The following LYRM4 variants were observed in gnomAD, a reference collection of about 807,000 sequenced individuals.
LYRM4 encodes LYR motif containing 4.
Under a neutral mutation model 11.7 loss-of-function variants are expected in LYRM4, and 9 were observed. The observed-to-expected ratio is 0.77, with a 90% CI of 0.46 to 1.34. LYRM4 has a LOEUF of 1.34. LYRM4 is among the 40% of genes most tolerant of loss of function. LYRM4 has a pLI of 0.00. For missense variants in LYRM4, 133 were observed against 112.5 expected, an observed-to-expected ratio of 1.18 and a Z score of -0.82; for synonymous variants, 42 against 40.4, an observed-to-expected ratio of 1.04 and a Z score of -0.15.
the LYRM4 span, among the ~76,000 whole-genome samples, chr6:5,036,724 T>C: frequency 2.7e-4 from 41 of 152,352 alleles, no homozygotes; most frequent in Non-Finnish European, 4.9e-4. Flanking sequence ...ATTTCTCTCC[T>C]GAGATAAAGG....
the LYRM4 span, among the ~76,000 whole-genome samples, chr6:5,076,766 AC>A: frequency 6.6e-6 from 1 of 152,182 alleles, no homozygotes; most frequent in Non-Finnish European, 1.5e-5. Context: ...GTAGCAGCCC[AC>A]CCCATCAAGG....
In LYRM4 at chr6:5,186,526, C is replaced by T. The variant is rs568280723; in HGVS notation, c.207+30092G>A. 38 of 952,672 alleles carry T rather than the reference C, an allele frequency of 4.0e-5. No homozygotes were observed. In the South Asian group the frequency reaches 1.7e-3, roughly 42 times the overall value. The allele number at this position is 952,672 out of a possible 1,614,324, so 59.0% of individuals were successfully genotyped here. ...AGAAGGTTAAACTGAACTCCCATCT[C>T]CTTTCTTATACCAAAATAAATTCAA... On this transcript the variant is annotated intron_variant, in intron 2 of 2. Coordinates refer to ENST00000330636, the MANE Select transcript of LYRM4 (RefSeq NM_020408.6).
the LYRM4 span, chr6:5,065,847 G>C: frequency 3.4e-6 from 1 of 292,190 alleles, no homozygotes; most frequent in East Asian, 1.1e-4. Flanking sequence ...ACAATCTTTG[G>C]AACACTATAG....
In LYRM4 at chr6:5,121,422, C is replaced by T. The variant is rs527253224; in HGVS notation, c.208-11931G>A. Among the ~76,000 whole-genome samples the T allele has an allele frequency of 6.8e-4, 104 of 152,236 alleles. No homozygotes were observed. In the South Asian group the frequency reaches 7.3e-3, roughly 11 times the overall value. On this transcript the variant is annotated intron_variant, in intron 2 of 2. Transcript: ENST00000330636. ...GGGAAGACAGTTATAAAACAGGAGA[C>T]GGCTACCTCCCCGACCCCTGATGGT...
chr6:5,214,998 G>A (rs1346540001), intron 2 of LYRM4, among the ~76,000 whole-genome samples: 1 of 152,122 alleles, frequency 6.6e-6, no homozygotes, highest in African/African-American at 2.4e-5. Context: ...TCTGTCCTGG[G>A]AGGGGAACTC....
At chr6:5,228,796 C>A (rs1220901688) in intron 1 of LYRM4, among the ~76,000 whole-genome samples, 1 of 150,812 alleles carries the variant, frequency 6.6e-6, no homozygotes, top group African/African-American at 2.4e-5. Flanking sequence ...GTCAGGAGAT[C>A]GAGACCATCC....
At chr6:5,062,832 A>G in the LYRM4 span, among the ~76,000 whole-genome samples, 1 of 152,214 alleles carries the variant, frequency 6.6e-6, no homozygotes, top group Non-Finnish European at 1.5e-5. Context: ...TGCACACTTT[A>G]GAATCTGTGA....
rs550529850 is a variant in LYRM4, at chr6:5,167,540, T to C, written c.207+49078A>G. Among the ~76,000 whole-genome samples the C allele has an allele frequency of 5.6e-4, 85 of 152,378 alleles. 1 individual carries two copies. Among genetic ancestry groups the C allele is most frequent in the Middle Eastern group, 3.4e-3 (1 of 294 alleles). On this transcript the variant is annotated intron_variant, in intron 2 of 2. Transcript: ENST00000330636. ...ACAGCAACTCCTTTTATATCCATAA[T>C]AGCACTTCATGTGGTGCTGGGCACG...
rs114833457 is a variant in LYRM4, at chr6:5,206,367, T to C, written c.207+10251A>G. Among the ~76,000 whole-genome samples the C allele has an allele frequency of 6.0e-3, 920 of 152,264 alleles. 11 individuals are homozygous for C. The highest frequency in any genetic ancestry group is 0.043 in the South Asian group (210 of 4,832). ...TCGCTGGGCCAACAATCAGTGAGTA[T>C]TTATTGGGCCCCCATGGCCTAGCTA... On this transcript the variant is annotated intron_variant, in intron 2 of 2. Coordinates refer to ENST00000330636, the MANE Select transcript of LYRM4 (RefSeq NM_020408.6).
chr6:5,098,440 C>G, the LYRM4 span, among the ~76,000 whole-genome samples: 1 of 152,204 alleles, frequency 6.6e-6, no homozygotes, highest in Non-Finnish European at 1.5e-5. Flanking sequence ...CAATGCCATT[C>G]TCATGAGCAA....
At chr6:5,248,393 A>C (rs1764286967) in intron 1 of LYRM4, among the ~76,000 whole-genome samples, 1 of 152,238 alleles carries the variant, frequency 6.6e-6, no homozygotes, top group Non-Finnish European at 1.5e-5. Context: ...TGAGCTAGCT[A>C]AAGGAGAGTC....
At position 5,197,601 on chromosome 6, in the gene LYRM4, G is replaced by A. The variant is rs560884837; in HGVS notation, c.207+19017C>T. Among the ~76,000 whole-genome samples the A allele has an allele frequency of 2.0e-5, 3 of 152,212 alleles. No homozygotes were observed. The East Asian group carries it at 5.8e-4, about 29-fold the overall frequency. On this transcript the variant is annotated intron_variant, in intron 2 of 2. Transcript: ENST00000330636. ...GAGGCAGAGAACTGCTTGAACCTGG[G>A]AGGCAGAGGTTGCAGTGAGCCGAGA...
chr6:5,212,046 C>G (rs994032821), intron 2 of LYRM4, among the ~76,000 whole-genome samples: 1 of 152,186 alleles, frequency 6.6e-6, no homozygotes, highest in African/African-American at 2.4e-5. Context: ...AATATTTTCT[C>G]TTTGGTGAAC....
At chr6:5,070,597 T>G in the LYRM4 span, among the ~76,000 whole-genome samples, 1 of 151,968 alleles carries the variant, frequency 6.6e-6, no homozygotes, top group Admixed American at 6.5e-5. Context: ...AAAAACAGGC[T>G]GGGTGCGGTG....
At chr6:5,172,382 G>A (rs925051260) in intron 2 of LYRM4, among the ~76,000 whole-genome samples, 3 of 152,164 alleles carry the variant, frequency 2.0e-5, no homozygotes, top group Admixed American at 6.5e-5. Flanking sequence ...AAATACTTTC[G>A]AGGGAGAGGA....
rs76376507 is a variant in LYRM4 at position 5,257,907 on chromosome 6, T to C, written c.86+2741A>G. 2.9e-4 allele frequency among the ~76,000 whole-genome samples: 44 copies of C among 152,268 alleles called. 1 individual carries two copies. In the East Asian group the frequency reaches 5.8e-3, roughly 20 times the overall value. Reference sequence around the variant, plus strand: ...TTGTAGAAGCACTGAGGTAAAAGAATGACACACAGCAATGAGACCTGTTTG... The same window carrying C: ...TTGTAGAAGCACTGAGGTAAAAGAACGACACACAGCAATGAGACCTGTTTG... On this transcript the variant is annotated intron_variant, in intron 1 of 2. Transcript: ENST00000330636.
intron 2 of LYRM4, among the ~76,000 whole-genome samples, chr6:5,129,461 C>A (rs4960067): frequency 6.6e-6 from 1 of 151,952 alleles, no homozygotes; most frequent in African/African-American, 2.4e-5. Context: ...GTTGCTTAGC[C>A]TGGGGTGCCT....
chr6:5,192,592 T>G (rs1760822339), intron 2 of LYRM4, among the ~76,000 whole-genome samples: 1 of 152,324 alleles, frequency 6.6e-6, no homozygotes, highest in Admixed American at 6.5e-5. Flanking sequence ...AGAATGCCTG[T>G]GAGGGGCACC....
chr6:5,069,175 C>T, the LYRM4 span, among the ~76,000 whole-genome samples: 5 of 152,192 alleles, frequency 3.3e-5, no homozygotes, highest in African/African-American at 7.2e-5. Context: ...CATGATCAAA[C>T]GCGGTAGGGC....
Sources: gnomAD v4.1 joint callset for allele counts (sites outside exome capture counted in the v4.1 genomes callset) on GRCh38, gnomAD v4.1.1 for gene constraint, MANE v1.5 for transcripts, NCBI Gene and HGNC (gene_info 2026-07-23, HGNC 2026-07-21) for gene names.